ZDHHC15: variants seen among roughly 807,000 people sequenced by gnomAD.
The protein encoded by ZDHHC15 is palmitoyltransferase ZDHHC15.
ZDHHC15 carries 19 observed loss-of-function variants against 31.7 expected under a neutral mutation model. The ratio of observed to expected loss-of-function variants is 0.60; its 90% CI spans 0.42 to 0.88. ZDHHC15 has a LOEUF of 0.88. Ranked by LOEUF, ZDHHC15 falls within the 40% of genes least tolerant of loss-of-function variation. The pLI is 0.00. For synonymous variants in ZDHHC15, 103 were observed against 90.0 expected (o/e 1.14, Z -0.82); for missense variants, 209 against 251.2 (o/e 0.83, Z 1.14).
intron 3 of ZDHHC15, among the ~76,000 whole-genome samples, chrX:75,457,123 C>G (rs1209369611): frequency 1.8e-5 from 2 of 110,980 alleles, no homozygotes; most frequent in Non-Finnish European, 3.8e-5. Flanking sequence ...TTTGATATTG[C>G]CAATGTTTTT....
intron 3 of ZDHHC15, among the ~76,000 whole-genome samples, chrX:75,457,874 A>G (rs2084249757): frequency 8.9e-6 from 1 of 112,035 alleles, no homozygotes; most frequent in South Asian, 3.7e-4. Flanking sequence ...GATTTAAAAT[A>G]TGTAGGAGGG....
chrX:75,443,083 T>A (rs1354384158), intron 4 of ZDHHC15, among the ~76,000 whole-genome samples: 1 of 109,629 alleles, frequency 9.1e-6, no homozygotes, highest in Admixed American at 9.7e-5. Flanking sequence ...AAGCTACCAA[T>A]GACTTTCTTC....
At chrX:75,471,383 A>T (rs2084501026) in intron 3 of ZDHHC15, among the ~76,000 whole-genome samples, 1 of 112,238 alleles carries the variant, frequency 8.9e-6, no homozygotes, top group South Asian at 3.7e-4. Context: ...AGTGTGTAAG[A>T]AGTAGCAAAT....
intron 9 of ZDHHC15, among the ~76,000 whole-genome samples, chrX:75,420,380 T>C (rs1229935129): frequency 9.0e-6 from 1 of 111,477 alleles, no homozygotes; most frequent in Non-Finnish European, 1.9e-5. Flanking sequence ...GTTCAACCAC[T>C]GTGGAAGACT....
At position 75,491,990 on chromosome X, in the gene ZDHHC15, G is replaced by C. The variant is rs950939710; in HGVS notation, c.164-13005C>G. On this transcript the variant is annotated intron_variant, in intron 2 of 11. Transcript: ENST00000373367. ...CTAAATGCTCCAATTAAAAGACACAGACTGGCAAAGTGGATAAAGAGTCAA... is the reference window on the plus strand; with the variant it reads ...CTAAATGCTCCAATTAAAAGACACACACTGGCAAAGTGGATAAAGAGTCAA... Among the ~76,000 whole-genome samples, 8 of 111,577 alleles carry C rather than the reference G, an allele frequency of 7.2e-5. No homozygotes were observed. In the South Asian group the frequency reaches 3.0e-3, roughly 42 times the overall value.
At chrX:75,395,604 T>A (rs1374867399) in intron 10 of ZDHHC15, among the ~76,000 whole-genome samples, 1 of 111,969 alleles carries the variant, frequency 8.9e-6, no homozygotes, top group Non-Finnish European at 1.9e-5. Context: ...ATTGTTAAAA[T>A]GTCCATACTA....
chrX:75,396,785 C>A (rs1364940916), intron 10 of ZDHHC15, among the ~76,000 whole-genome samples: 1 of 110,626 alleles, frequency 9.0e-6, no homozygotes, highest in African/African-American at 3.3e-5. Flanking sequence ...TATATACATA[C>A]AATGGAGTAC....
intron 10 of ZDHHC15, among the ~76,000 whole-genome samples, chrX:75,380,330 A>C (rs1166353269): frequency 8.9e-6 from 1 of 112,108 alleles, no homozygotes; most frequent in Non-Finnish European, 1.9e-5. Context: ...GTTCCAAAGA[A>C]GTGATGCTAA....
At chrX:75,454,478 T>A (rs2084181512) in intron 3 of ZDHHC15, among the ~76,000 whole-genome samples, 1 of 111,927 alleles carries the variant, frequency 8.9e-6, no homozygotes. Context: ...CAAATGGTAT[T>A]TCTATTTCTA....
chrX:75,404,760 C>T (rs1323762332), intron 10 of ZDHHC15, among the ~76,000 whole-genome samples: 1 of 111,749 alleles, frequency 8.9e-6, no homozygotes, highest in Non-Finnish European at 1.9e-5. Context: ...GAAAAGGGAA[C>T]CCTTATACAC....
intron 10 of ZDHHC15, among the ~76,000 whole-genome samples, chrX:75,407,076 C>T (rs753986763): frequency 8.7e-4 from 98 of 112,468 alleles, no homozygotes; most frequent in African/African-American, 2.9e-3. Context: ...CCCAAAGTGC[C>T]GAGATTGCAG....
chrX:75,432,884 C>T (rs183498707), intron 4 of ZDHHC15, among the ~76,000 whole-genome samples: 29 of 110,764 alleles, frequency 2.6e-4, no homozygotes, highest in African/African-American at 9.2e-4. Context: ...CTTGGGAGGC[C>T]GAGGCGGGAG....
At position 75,369,973 on chromosome X, in the gene ZDHHC15, A is replaced by T. The variant is rs1348013626; in HGVS notation, c.*3005T>A. ...TTTTCCAGCTGTACCATGGGGAACA[A>T]TTTTTTTATTCTGTCTCTTTCTGAG... is the stretch of plus-strand genomic sequence containing the variant. On this transcript the variant is annotated 3_prime_UTR_variant, in exon 12 of 12. Coordinates refer to ENST00000373367, the MANE Select transcript of ZDHHC15 (RefSeq NM_144969.3). 2.7e-5 allele frequency: 3 copies of T among 111,265 alleles called. No homozygotes were observed. The highest frequency in any genetic ancestry group is 1.9e-4 in the Admixed American group (2 of 10,430). 9.2% of individuals were successfully genotyped at this position (111,265 alleles called of 1,213,427 possible).
chrX:75,428,521 C>A (rs753167568), intron 7 of ZDHHC15, among the ~76,000 whole-genome samples: 3 of 110,922 alleles, frequency 2.7e-5, no homozygotes, highest in Non-Finnish European at 5.7e-5. Context: ...AGTATTAGAT[C>A]CCAGTTCTCC....
At chrX:75,474,516 A>G (rs1569349142) in intron 3 of ZDHHC15, among the ~76,000 whole-genome samples, 2 of 102,969 alleles carry the variant, frequency 1.9e-5, no homozygotes, top group East Asian at 6.0e-4. Context: ...ATACTCCCAT[A>G]TGTGTGTATA....
intron 10 of ZDHHC15, chrX:75,384,472 A>C (rs2083158312): frequency 1.3e-6 from 1 of 752,337 alleles, no homozygotes; most frequent in Non-Finnish European, 2.0e-6. Context: ...TGTAGACATC[A>C]AGGGAATGGG....
At chrX:75,428,684 G>A (rs2083742282) in intron 7 of ZDHHC15, among the ~76,000 whole-genome samples, 1 of 111,970 alleles carries the variant, frequency 8.9e-6, no homozygotes, top group Non-Finnish European at 1.9e-5. Context: ...TCTAACAACA[G>A]GGGAGTGATT....
intron 4 of ZDHHC15, among the ~76,000 whole-genome samples, chrX:75,444,425 A>G (rs188747631): frequency 1.1e-5 from 1 of 87,508 alleles, no homozygotes; most frequent in Non-Finnish European, 2.2e-5. Flanking sequence ...TAGTGAGAAC[A>G]CTTGGACACA....
At chrX:75,472,767 A>G (rs1236681560) in intron 3 of ZDHHC15, among the ~76,000 whole-genome samples, 3 of 111,809 alleles carry the variant, frequency 2.7e-5, no homozygotes, top group African/African-American at 6.5e-5. Context: ...GAGGTTATGC[A>G]TGGGCTCAGT....
Sources: gnomAD v4.1 joint callset for allele counts (sites outside exome capture counted in the v4.1 genomes callset) on GRCh38, gnomAD v4.1.1 for gene constraint, MANE v1.5 for transcripts, NCBI Gene and HGNC (gene_info 2026-07-23, HGNC 2026-07-21) for gene names.